EIF4B: variants seen among roughly 807,000 people sequenced by gnomAD.
The protein encoded by EIF4B is eukaryotic translation initiation factor 4B.
EIF4B carries 8 observed loss-of-function variants against 79.3 expected under a neutral mutation model. The ratio of observed to expected loss-of-function variants is 0.10; its 90% confidence interval spans 0.06 to 0.18. EIF4B has a LOEUF of 0.18. EIF4B is among the 10% of genes least tolerant of loss of function. The pLI is 1.00. For synonymous variants in EIF4B, 238 were observed against 274.7 expected (o/e 0.87, Z 1.32); for missense variants, 515 against 792.4 (o/e 0.65, Z 4.20).
At chr12:53,025,427 A>G in intron 6 of EIF4B, 1 of 336,314 alleles carries the variant, frequency 3.0e-6, no homozygotes. Context: ...TCCTGTCCCA[A>G]GCATTAGGCC....
intron 1 of EIF4B, among the ~76,000 whole-genome samples, chr12:53,008,859 ACT>A (rs1943013861): frequency 1.3e-5 from 2 of 152,146 alleles, no homozygotes; most frequent in Admixed American, 6.5e-5. Context: ...ACATGGTGAA[ACT>A]CTGTCTCTAC....
At chr12:53,012,611 CTTTT>C (rs1198249805) in intron 1 of EIF4B, among the ~76,000 whole-genome samples, 1 of 83,742 alleles carries the variant, frequency 1.2e-5, no homozygotes, top group African/African-American at 4.4e-5. Context: ...TTTTTTTTTT[CTTTT>C]TTTTGTGGGG....
At chr12:53,015,277 G>GA (rs1162489200) in intron 1 of EIF4B, among the ~76,000 whole-genome samples, 1 of 152,120 alleles carries the variant, frequency 6.6e-6, no homozygotes, top group South Asian at 2.1e-4. Flanking sequence ...GACTTCGTAT[G>GA]AAAAAAACTT....
chr12:53,028,576 T>C (rs1943380450), intron 8 of EIF4B, among the ~76,000 whole-genome samples: 1 of 151,054 alleles, frequency 6.6e-6, no homozygotes, highest in Admixed American at 6.6e-5. Flanking sequence ...AAAAAAGCAT[T>C]GGCTAAGGAT....
intron 1 of EIF4B, among the ~76,000 whole-genome samples, chr12:53,011,754 C>T (rs930505744): frequency 6.6e-6 from 1 of 152,148 alleles, no homozygotes; most frequent in East Asian, 1.9e-4. Context: ...GCAATATTTC[C>T]GTTTTTAAGA....
At chr12:53,006,636 C>T in intron 1 of EIF4B, 140 bp downstream of exon 1, 1 of 1,471,148 alleles carries the variant, frequency 6.8e-7, no homozygotes, top group Non-Finnish European at 9.3e-7. Context: ...GGCGGCGTGG[C>T]CCTGTTAGGT....
intron 4 of EIF4B, among the ~76,000 whole-genome samples, chr12:53,020,826 C>A (rs1027630260): frequency 2.0e-5 from 3 of 152,084 alleles, no homozygotes; most frequent in Non-Finnish European, 4.4e-5. Flanking sequence ...ATATGAAGGT[C>A]TAATCTTGTT....
At chr12:53,023,510 C>T (rs1592220391) in intron 6 of EIF4B, among the ~76,000 whole-genome samples, 1 of 151,712 alleles carries the variant, frequency 6.6e-6, no homozygotes, top group African/African-American at 2.4e-5. Context: ...GGATTACAGG[C>T]GTGAGCCACT....
In EIF4B at chr12:53,028,129, A is replaced by T; in HGVS notation, c.920A>T (p.Asp307Val). Residue 307 changes from aspartate to valine, a missense_variant, in exon 8 of 15, where the codon GAT becomes GTT. Asp to Val is a radical substitution (Grantham distance 152). Transcript: ENST00000262056. ...GAAGACCGATATGACAGACGGGATG[A>T]TCGGTCGTGGAGCTCCAGAGATGAT... ...RYEDRYDRRDDRSWSSRDDYS... is the reference protein window; with the variant it reads ...RYEDRYDRRDVRSWSSRDDYS... 3 of 1,614,014 alleles carry T rather than the reference A, an allele frequency of 1.9e-6. No homozygotes were observed. The highest frequency in any genetic ancestry group is 2.5e-6 in the Non-Finnish European group (3 of 1,179,952).
At chr12:53,039,013 A>G (rs1158725018) in intron 12 of EIF4B, 4 of 427,042 alleles carry the variant, frequency 9.4e-6, no homozygotes, top group African/African-American at 4.1e-5. Flanking sequence ...TCATGATGGC[A>G]TATCCCTACA....
intron 10 of EIF4B, among the ~76,000 whole-genome samples, chr12:53,036,871 A>G (rs1322282123): frequency 1.3e-5 from 2 of 152,114 alleles, no homozygotes; most frequent in Non-Finnish European, 2.9e-5. Context: ...TTTTTTGTAG[A>G]GCTGGGGTTT....
At chr12:53,024,488 G>A (rs894440325) in intron 6 of EIF4B, among the ~76,000 whole-genome samples, 2 of 152,126 alleles carry the variant, frequency 1.3e-5, no homozygotes, top group Admixed American at 1.3e-4. Flanking sequence ...TCTGTTTTTA[G>A]TCTGTAACAT....
chr12:53,014,852 G>C (rs1470707986), intron 1 of EIF4B: 2 of 152,136 alleles, frequency 1.3e-5, no homozygotes, highest in Non-Finnish European at 2.9e-5. Context: ...TCTTAATCAT[G>C]TAGTGGCTGC....
At chr12:53,020,376 T>C (rs1270096574) in intron 4 of EIF4B, among the ~76,000 whole-genome samples, 4 of 152,338 alleles carry the variant, frequency 2.6e-5, no homozygotes, top group African/African-American at 7.2e-5. Context: ...TAAAGGCAAA[T>C]AGAAAAATCA....
chr12:53,026,048 C>T (rs1264867121), intron 6 of EIF4B, among the ~76,000 whole-genome samples: 3 of 151,952 alleles, frequency 2.0e-5, no homozygotes, highest in South Asian at 2.1e-4. Flanking sequence ...GCAGTGAGCC[C>T]GCGATTGTGC....
chr12:53,018,350 A>C (rs1014665889), intron 2 of EIF4B, among the ~76,000 whole-genome samples: 1 of 152,148 alleles, frequency 6.6e-6, no homozygotes, highest in African/African-American at 2.4e-5. Flanking sequence ...ACTCACCACT[A>C]GGAATACAAG....
At chr12:53,038,487 G>A (rs1943574973) in intron 12 of EIF4B, 76 bp downstream of exon 12, 1 of 1,433,354 alleles carries the variant, frequency 7.0e-7, no homozygotes, top group Admixed American at 2.2e-5. Flanking sequence ...AGATTTTGAA[G>A]AGCAGTGTGT....
In EIF4B at chr12:53,013,783, TA is replaced by T. The variant is rs770937029; in HGVS notation, c.14-2675del. ...GCCTGGACAAGAGTGAGACTCCCTC[TA>T]AAAAAAAAAAAAAACCTTTGCATAT... On this transcript the variant is annotated intron_variant, in intron 1 of 14. Transcript: ENST00000262056. The T allele has an allele frequency of 4.9e-3, 627 of 128,152 alleles. 1 individual carries two copies. The highest frequency in any genetic ancestry group is 9.3e-3 in the African/African-American group (323 of 34,666). The allele number at this position is 128,152 out of a possible 1,614,324, so 7.9% of individuals were successfully genotyped here. A position where few individuals can be genotyped will look rare whatever the true frequency, so the allele number is the denominator to read the frequency against.
rs78910748 is a variant in EIF4B, at chr12:53,031,121, C to T, written c.980-2685C>T. On this transcript the variant is annotated intron_variant, in intron 8 of 14. Transcript: ENST00000262056. ...CCTAACAGAGTTCCCTTTCTTGCTCCGTTCTTCACATTGGCCCCAGTTGTC... is the reference window on the plus strand; with the variant it reads ...CCTAACAGAGTTCCCTTTCTTGCTCTGTTCTTCACATTGGCCCCAGTTGTC... Among the ~76,000 whole-genome samples the T allele has an allele frequency of 1.3e-3, 205 of 152,324 alleles. 2 individuals carry two copies. Among genetic ancestry groups the T allele is most frequent in the African/African-American group, 3.8e-3 (156 of 41,576 alleles).
Sources: allele counts gnomAD v4.1 joint callset (sites outside exome capture counted in the v4.1 genomes callset), GRCh38; gene constraint gnomAD v4.1.1; transcripts MANE v1.5; gene names NCBI Gene and HGNC (gene_info 2026-07-23, HGNC 2026-07-21).